Variants in SETD1B observed in about 807,000 individuals in gnomAD.
SETD1B encodes SET domain containing 1B, histone lysine methyltransferase.
SETD1B carries 7 observed loss-of-function variants against 148.0 expected under a neutral mutation model. The ratio of observed to expected loss-of-function variants is 0.05; its 90% CI spans 0.03 to 0.09. SETD1B has a LOEUF of 0.09. Among genes scored for constraint, SETD1B ranks in the 10% least tolerant of loss-of-function variants. SETD1B has a pLI of 1.00. For synonymous variants in SETD1B, 1,361 were observed against 1,186.5 expected (o/e 1.15, Z -3.02); for missense variants, 2,155 against 2,729.9 (o/e 0.79, Z 4.69).
chr12:121,799,028 G>T (rs1875162316), upstream of SETD1B: 1 of 152,238 alleles, frequency 6.6e-6, no homozygotes, highest in Non-Finnish European at 1.5e-5. Context: ...CACCTCACCT[G>T]GGAACTTGTT....
rs879139377 is a variant in SETD1B, at chr12:121,825,187, G to A, written c.5171-13G>A. On this transcript the variant is annotated splice_polypyrimidine_tract_variant and intron_variant, in intron 12 of 16. Transcript: ENST00000604567. Reference sequence around the variant, plus strand: ...CTCTCAGAATGTCCATGTGGCCCTTGACCCACACCCACCCACCAGCCTCTC... The same window carrying A: ...CTCTCAGAATGTCCATGTGGCCCTTAACCCACACCCACCCACCAGCCTCTC... 2.6e-6 allele frequency: 4 copies of A among 1,550,716 alleles called. No homozygotes were observed. The South Asian group carries it at 3.6e-5, about 14-fold the overall frequency.
At chr12:121,807,816 C>T (rs376625747) in intron 4 of SETD1B, among the ~76,000 whole-genome samples, 67 of 150,972 alleles carry the variant, frequency 4.4e-4, no homozygotes, top group African/African-American at 1.5e-3. Flanking sequence ...GTGTCACGGG[C>T]TTCCCTTCCT....
the SETD1B span, chr12:121,797,230 G>C: frequency 2.8e-6 from 1 of 357,770 alleles, no homozygotes; most frequent in South Asian, 2.1e-5. Context: ...CTAGGGCTCC[G>C]GGCGGAGAGG....
chr12:121,823,406 A>G lies in SETD1B; in HGVS notation c.4827A>G (p.Leu1609=), dbSNP rs1287899066. 2 of 1,403,284 alleles carry G rather than the reference A, an allele frequency of 1.4e-6. No homozygotes were observed. The highest frequency in any genetic ancestry group is 1.9e-6 in the Non-Finnish European group (2 of 1,060,162). 86.9% of individuals were successfully genotyped at this position (1,403,284 alleles called of 1,614,324 possible). Residue 1609 remains leucine (L), a synonymous_variant, in exon 12 of 17, where the codon CTA becomes CTG. Transcript: ENST00000604567. ...VEPTKLPFKE[L]DNQWPSEAIP... ...CCACCAAGCTGCCCTTTAAGGAGCT[A>G]GACAACCAGTGGCCCTCCGAGGCCA...
At position 121,825,318 on chromosome 12, in the gene SETD1B, C is replaced by T. The variant is rs771490967; in HGVS notation, c.5289C>T (p.Tyr1763=). 5 of 1,551,710 alleles carry T rather than the reference C, an allele frequency of 3.2e-6. No homozygotes were observed. The South Asian group carries it at 3.6e-5, about 11-fold the overall frequency. Residue 1763 remains tyrosine (Y), a synonymous_variant, in exon 13 of 17, where the codon TAC becomes TAT. Transcript: ENST00000604567. The stretch of plus-strand genomic sequence containing the variant: ...TCGACAAGAAGGACAAGCTCAGATA[C>T]CTCAACAGCAGCCGTGCCAGCACCG... ...YTIDKKDKLR[Y]LNSSRASTDE...
chr12:121,811,537 A>T (rs1266510693), intron 6 of SETD1B, among the ~76,000 whole-genome samples: 1 of 152,164 alleles, frequency 6.6e-6, no homozygotes, highest in African/African-American at 2.4e-5. Flanking sequence ...CTCCAGCCTC[A>T]GGAAGTCCCG....
upstream of SETD1B, chr12:121,801,384 G>C (rs1875354648): frequency 6.6e-6 from 1 of 152,292 alleles, no homozygotes; most frequent in Non-Finnish European, 1.5e-5. Flanking sequence ...CCTTGGGGCA[G>C]AAGAGGCACA....
intron 13 of SETD1B, 126 bp from the exon 14 acceptor site, chr12:121,827,393 C>A: frequency 8.3e-7 from 1 of 1,210,126 alleles, no homozygotes. Flanking sequence ...AATTAGGGAC[C>A]GACAGGTGTG....
At position 121,828,046 on chromosome 12, in the gene SETD1B, G is replaced by A. The variant is rs749409738; in HGVS notation, c.5703G>A (p.Ala1901=). The change falls in exon 16 of 17, where the codon GCG becomes GCA. Residue 1901 remains alanine (A), a synonymous_variant. Transcript: ENST00000604567. ...IIDATKCGNF[A]RFINHSCNPN... is the part of the protein sequence containing the mutation. ...ACGCCACCAAGTGCGGCAACTTCGC[G>A]CGCTTCATCAACCACAGCTGCAACG... 17 of 1,552,276 alleles carry A rather than the reference G, an allele frequency of 1.1e-5. No homozygotes were observed. Among genetic ancestry groups the A allele is most frequent in the African/African-American group, 1.1e-4 (8 of 73,194 alleles).
chr12:121,819,302 T>A, intron 10 of SETD1B, 102 bp from the exon 11 acceptor site: 1 of 1,513,410 alleles, frequency 6.6e-7, no homozygotes, highest in Non-Finnish European at 8.8e-7. Context: ...AGGGCCGTGT[T>A]CAGCCTGGGT....
chr12:121,797,591 C>G, the SETD1B span: 1 of 456,602 alleles, frequency 2.2e-6, no homozygotes, highest in Non-Finnish European at 4.4e-6. Context: ...CAACAGCTCA[C>G]TGATTGGATC....
chr12:121,793,101 A>T, the SETD1B span: 1 of 1,475,742 alleles, frequency 6.8e-7, no homozygotes, highest in South Asian at 1.2e-5. Flanking sequence ...GGGAGGGGAA[A>T]CCCTTCGGGC....
chr12:121,826,716 G>A (rs1274535600), intron 13 of SETD1B, among the ~76,000 whole-genome samples: 4 of 152,138 alleles, frequency 2.6e-5, no homozygotes, highest in Non-Finnish European at 4.4e-5. Context: ...TTTCCAGACC[G>A]GATGTGCCGG....
intron 6 of SETD1B, among the ~76,000 whole-genome samples, chr12:121,813,783 G>T (rs1376903801): frequency 6.6e-6 from 1 of 152,048 alleles, no homozygotes; most frequent in Non-Finnish European, 1.5e-5. Flanking sequence ...GCCTTTTCCT[G>T]CTGGCTCCGC....
Position 121,804,443 on chromosome 12 carries a change from T to C in SETD1B, c.-15+210T>C, listed in dbSNP as rs1207301851. On this transcript the variant is annotated intron_variant, in intron 1 of 16. Transcript: ENST00000604567. This position sits in a 1 kb window ranked among gnomAD's most constrained non-coding sequence, Gnocchi z 4.6. ...GCACCATGGGCCGGAGTCCGCGTCC[T>C]CCGGGCGCCCCGGGCCCCGCCAGCC... Among the ~76,000 whole-genome samples, 3 of 148,854 alleles carry C rather than the reference T, an allele frequency of 2.0e-5. No individual in the cohort carries two copies. The highest frequency in any genetic ancestry group is 1.3e-4 in the Admixed American group (2 of 15,016).
Position 121,805,770 on chromosome 12 carries a change from G to T in SETD1B, c.274-65G>T. The T allele has an allele frequency of 6.9e-7, 1 of 1,446,798 alleles. No homozygotes were observed. Among genetic ancestry groups the T allele is most frequent in the Non-Finnish European group, 9.3e-7 (1 of 1,073,754 alleles). 89.6% of individuals were successfully genotyped at this position (1,446,798 alleles called of 1,614,324 possible). A position where few individuals can be genotyped will look rare whatever the true frequency, so the allele number is the denominator to read the frequency against. On this transcript the variant is annotated intron_variant, in intron 3 of 16. Coordinates refer to ENST00000604567, the MANE Select transcript of SETD1B (RefSeq NM_001353345.2). The surrounding 1 kb of genome is among the most constrained non-coding windows in gnomAD (Gnocchi z 4.2). ...GGGCGAGTTGCGGGCGGGGCGGGGG[G>T]GATGTTGTGTTTTCCCTTAGGTTTA...
chr12:121,792,681 G>A, the SETD1B span, among the ~76,000 whole-genome samples: 1 of 152,268 alleles, frequency 6.6e-6, no homozygotes, highest in Non-Finnish European at 1.5e-5. Flanking sequence ...GCTGCAGAGC[G>A]CAGGCCACAG....
At chr12:121,829,016 C>T (rs546100906) in intron 16 of SETD1B, among the ~76,000 whole-genome samples, 125 of 147,410 alleles carry the variant, frequency 8.5e-4, no homozygotes, top group African/African-American at 2.7e-3. Flanking sequence ...AGGGGAACTG[C>T]GTGTTCAAAG....
At position 121,831,942 on chromosome 12, in the gene SETD1B, T is replaced by C. The variant is rs1158033311; in HGVS notation, c.*1703T>C. The stretch of plus-strand genomic sequence containing the variant: ...CCCAGGCCCTCTCTATTTGAGACTG[T>C]GCCCGCCGGTTTCAAGATCAAGGAA... On this transcript the variant is annotated 3_prime_UTR_variant, in exon 17 of 17. Coordinates refer to ENST00000604567, the MANE Select transcript of SETD1B (RefSeq NM_001353345.2). The C allele has an allele frequency of 6.6e-6, 1 of 152,032 alleles. No individual in the cohort carries two copies. The highest frequency in any genetic ancestry group is 1.5e-5 in the Non-Finnish European group (1 of 68,000). The allele number at this position is 152,032 out of a possible 1,614,324, so 9.4% of individuals were successfully genotyped here. A position where few individuals can be genotyped will look rare whatever the true frequency, so the allele number is the denominator to read the frequency against.
Sources: allele counts gnomAD v4.1 joint callset (sites outside exome capture counted in the v4.1 genomes callset), GRCh38; gene constraint gnomAD v4.1.1; non-coding constraint Gnocchi (gnomAD v3.1); transcripts MANE v1.5; gene names NCBI Gene and HGNC (gene_info 2026-07-23, HGNC 2026-07-21).